RYR3: variants seen among roughly 807,000 people sequenced by gnomAD.
The protein encoded by RYR3 is ryanodine receptor 3.
In RYR3, 207 loss-of-function variants were observed where a neutral mutation model predicts 584.3. The observed-to-expected ratio is 0.35, with a 90% CI of 0.32 to 0.40. The LOEUF (loss-of-function observed/expected upper bound fraction) is 0.40. Ranked by LOEUF, RYR3 falls within the 10% of genes least tolerant of loss-of-function variation. The pLI, the probability that RYR3 is intolerant of heterozygous loss-of-function variation, is 1.00. For synonymous variants in RYR3, 2,416 were observed against 2,248.5 expected (o/e 1.07, Z -2.11); for missense variants, 5,616 against 6,089.2 (o/e 0.92, Z 2.59).
intron 38 of RYR3, among the ~76,000 whole-genome samples, chr15:33,694,305 T>C (rs971223875): frequency 6.6e-6 from 1 of 151,860 alleles, no homozygotes; most frequent in East Asian, 1.9e-4. Context: ...AGTGCAGTGG[T>C]GCAATCTCAG....
rs202170755 is a variant in RYR3, at chr15:33,857,875, C to T, written c.14103C>T (p.Asp4701=). 166 of 1,614,174 alleles carry T rather than the reference C, an allele frequency of 1.0e-4. No individual in the cohort carries two copies. The South Asian group carries it at 1.3e-3, about 13-fold the overall frequency. ...GCAAGTTCTACAACAAAAGCGAAGA[C>T]GATGACGAGCCCGATATGAAGTGCG... ...FFRKFYNKSE[D]DDEPDMKCDD... Residue 4701 remains aspartate, a synonymous_variant, in exon 99 of 104, where the codon GAC becomes GAT. Transcript: ENST00000634891.
intron 67 of RYR3, among the ~76,000 whole-genome samples, chr15:33,792,212 T>C (rs1004561184): frequency 6.6e-6 from 1 of 152,098 alleles, no homozygotes; most frequent in Middle Eastern, 3.2e-3. Flanking sequence ...GAGATGAAAT[T>C]CAAAACTGGA....
intron 2 of RYR3, among the ~76,000 whole-genome samples, chr15:33,488,679 C>T (rs567719898): frequency 2.2e-4 from 33 of 151,994 alleles, no homozygotes; most frequent in African/African-American, 6.3e-4. Flanking sequence ...GGTGAAACCC[C>T]GTCTCTACTA....
At position 33,863,533 on chromosome 15, in the gene RYR3, G is replaced by A. The variant is rs1889289049; in HGVS notation, c.14466-605G>A. Reference sequence around the variant, plus strand: ...GAAACGGTCTCTGAGATCATATAATGTGAGCTGAGAGTTCAGCCCCTGCCC... The same window carrying A: ...GAAACGGTCTCTGAGATCATATAATATGAGCTGAGAGTTCAGCCCCTGCCC... On this transcript the variant is annotated intron_variant, in intron 102 of 103. Transcript: ENST00000634891. Among the ~76,000 whole-genome samples, 5 of 152,138 alleles carry A rather than the reference G, an allele frequency of 3.3e-5. No individual in the cohort carries two copies. In the South Asian group the frequency reaches 1.0e-3, roughly 32 times the overall value.
chr15:33,591,423 G>A (rs953994061), intron 16 of RYR3, among the ~76,000 whole-genome samples: 3 of 149,718 alleles, frequency 2.0e-5, no homozygotes, highest in East Asian at 3.9e-4. Context: ...TGTTGTACAT[G>A]GCAAGCATTC....
intron 38 of RYR3, among the ~76,000 whole-genome samples, chr15:33,674,249 C>A (rs1566929010): frequency 6.6e-6 from 1 of 152,164 alleles, no homozygotes; most frequent in Non-Finnish European, 1.5e-5. Context: ...TACGCACATG[C>A]AAAGTGAGAT....
At chr15:33,517,594 A>C (rs1348328042) in intron 3 of RYR3, among the ~76,000 whole-genome samples, 2 of 152,208 alleles carry the variant, frequency 1.3e-5, no homozygotes. Flanking sequence ...AAGGGAATGC[A>C]TGTTAACCTC....
At chr15:33,642,157 T>G (rs2061865126) in intron 27 of RYR3, among the ~76,000 whole-genome samples, 1 of 152,204 alleles carries the variant, frequency 6.6e-6, no homozygotes, top group Non-Finnish European at 1.5e-5. Flanking sequence ...TTATTACCTT[T>G]TCCCCCTTAC....
chr15:33,436,181 A>G (rs766652534), intron 1 of RYR3, among the ~76,000 whole-genome samples: 1 of 152,244 alleles, frequency 6.6e-6, no homozygotes, highest in African/African-American at 2.4e-5. Flanking sequence ...CATTGCCACC[A>G]TAAGTATATG....
chr15:33,696,389 T>C lies in RYR3; in HGVS notation c.6032T>C (p.Val2011Ala). ...RKTYTISHTS[V>A]SDTINLLAAL... ...ACCTACACCATCAGCCACACCTCTG[T>C]AAGCGACACCATCAACCTGCTGGCT... Residue 2011 changes from valine to alanine, a missense_variant, in exon 39 of 104, where the codon GTA (valine) becomes GCA (alanine). Physicochemically the swap from Val to Ala is moderately conservative, Grantham distance 64 (BLOSUM62 0). Coordinates refer to ENST00000634891, the MANE Select transcript of RYR3 (RefSeq NM_001036.6). 6.2e-7 allele frequency: 1 copy of C among 1,613,914 alleles called. No individual in the cohort carries two copies. Among genetic ancestry groups the C allele is most frequent in the Non-Finnish European group, 8.5e-7 (1 of 1,179,888 alleles).
intron 67 of RYR3, among the ~76,000 whole-genome samples, chr15:33,790,529 G>C (rs1357183553): frequency 1.3e-5 from 2 of 152,184 alleles, no homozygotes; most frequent in African/African-American, 2.4e-5. Flanking sequence ...GAAGACTGTG[G>C]ATACATCAGA....
intron 12 of RYR3, among the ~76,000 whole-genome samples, chr15:33,571,500 A>G (rs913599062): frequency 6.6e-6 from 1 of 152,156 alleles, no homozygotes; most frequent in African/African-American, 2.4e-5. Flanking sequence ...TTATATGTTT[A>G]TAATAGATAT....
rs746119958 is a variant in RYR3, at chr15:33,838,454, G to A, written c.12474G>A (p.Lys4158=). 5.6e-6 allele frequency: 9 copies of A among 1,614,036 alleles called. 1 individual carries two copies. The South Asian group carries it at 9.9e-5, about 18-fold the overall frequency. Residue 4158 remains lysine (K), a synonymous_variant, in exon 89 of 104, where the codon AAG becomes AAA. Coordinates refer to ENST00000634891, the MANE Select transcript of RYR3 (RefSeq NM_001036.6). The part of the protein sequence containing the change: ...SVKRNVTDFL[K]RATLKNLRKQ... ...AGAGGAATGTCACCGACTTCCTGAA[G>A]AGAGCAACCCTGAAGAACCTCAGGA...
intron 1 of RYR3, among the ~76,000 whole-genome samples, chr15:33,372,115 C>T (rs182179138): frequency 3.9e-4 from 59 of 152,296 alleles, no homozygotes; most frequent in African/African-American, 1.3e-3. Context: ...TCAGTCTTCA[C>T]AGCACTGCTG....
At chr15:33,750,726 A>G (rs1194469196) in intron 57 of RYR3, among the ~76,000 whole-genome samples, 2 of 151,414 alleles carry the variant, frequency 1.3e-5, no homozygotes, top group Non-Finnish European at 2.9e-5. Flanking sequence ...AGTACCCTAG[A>G]TATTTTTTTA....
chr15:33,812,963 G>T lies in RYR3; in HGVS notation c.10358G>T (p.Arg3453Ile). 1 of 1,613,996 alleles carries T rather than the reference G, an allele frequency of 6.2e-7. No individual in the cohort carries two copies. Among genetic ancestry groups the T allele is most frequent in the South Asian group, 1.1e-5 (1 of 91,082 alleles). ...NPEKTVERVQ[R>I]ISAAVFHLEQ... ...GAAAAGACAGTGGAGCGTGTGCAGAGAATTTCAGCAGCTGTCTTCCACCTG... is the reference window on the plus strand; with the variant it reads ...GAAAAGACAGTGGAGCGTGTGCAGATAATTTCAGCAGCTGTCTTCCACCTG... The change falls in exon 73 of 104, where the codon AGA (arginine) becomes ATA (isoleucine). Residue 3453 changes from arginine to isoleucine, a missense_variant. Transcript: ENST00000634891.
chr15:33,357,513 G>A (rs1974147455), intron 1 of RYR3, among the ~76,000 whole-genome samples: 1 of 152,072 alleles, frequency 6.6e-6, no homozygotes, highest in Non-Finnish European at 1.5e-5. Flanking sequence ...TCAGAACCCT[G>A]TTCTCCAGCT....
Position 33,853,106 on chromosome 15 carries a change from G to T in RYR3, c.13671+19G>T. ...GAGAAAGGTATGCCTTGTTAGTGGG[G>T]GTGAGTTCCGTGATCACCAAAAAAT... On this transcript the variant is annotated intron_variant, in intron 95 of 103. Transcript: ENST00000634891. 6.4e-7 allele frequency: 1 copy of T among 1,570,032 alleles called. No individual in the cohort carries two copies. Among genetic ancestry groups the T allele is most frequent in the Non-Finnish European group, 8.6e-7 (1 of 1,159,574 alleles).
At chr15:33,374,514 A>G (rs1275739086) in intron 1 of RYR3, among the ~76,000 whole-genome samples, 3 of 152,122 alleles carry the variant, frequency 2.0e-5, no homozygotes, top group Non-Finnish European at 4.4e-5. Context: ...TGCTTTGAAC[A>G]GTCTGTAGCA....
Sources: allele counts gnomAD v4.1 joint callset (sites outside exome capture counted in the v4.1 genomes callset), GRCh38; gene constraint gnomAD v4.1.1; transcripts MANE v1.5; gene names NCBI Gene and HGNC (gene_info 2026-07-23, HGNC 2026-07-21).